The following FCRL3 variants were observed in gnomAD, a reference collection of about 807,000 sequenced individuals.
FCRL3 encodes the protein Fc receptor like 3.
Under a neutral mutation model 75.0 loss-of-function variants are expected in FCRL3, and 89 were observed. The observed-to-expected ratio is 1.19, with a 90% confidence interval of 1.00 to 1.42. FCRL3 has a LOEUF of 1.42. Ranked by LOEUF, FCRL3 falls within the 40% of genes most tolerant of loss-of-function variation. The pLI is 0.00. For synonymous variants in FCRL3, 376 were observed against 348.5 expected (o/e 1.08, Z -0.88); for missense variants, 946 against 880.0 (o/e 1.07, Z -0.95).
rs929433142 is a variant in FCRL3 at position 157,676,895 on chromosome 1, T to C, written c.*1815A>G. On this transcript the variant is annotated 3_prime_UTR_variant, in exon 15 of 15. Transcript: ENST00000368184. Reference sequence around the variant, plus strand: ...GGGTTAGAAAGGAGGAGAGCCTCCATATACAGCCTGGTGGTTGGTACCCAA... The same window carrying C: ...GGGTTAGAAAGGAGGAGAGCCTCCACATACAGCCTGGTGGTTGGTACCCAA... 2 of 1,476,536 alleles carry C rather than the reference T, an allele frequency of 1.4e-6. No individual in the cohort carries two copies. Among genetic ancestry groups the C allele is most frequent in the Non-Finnish European group, 1.8e-6 (2 of 1,117,174 alleles). The allele number at this position is 1,476,536 out of a possible 1,614,324, so 91.5% of individuals were successfully genotyped here. A position where few individuals can be genotyped will look rare whatever the true frequency, so the allele number is the denominator to read the frequency against.
chr1:157,677,959 T>A lies in FCRL3; in HGVS notation c.*751A>T, dbSNP rs1350785585. On this transcript the variant is annotated 3_prime_UTR_variant, in exon 15 of 15. Coordinates refer to ENST00000368184, the MANE Select transcript of FCRL3 (RefSeq NM_052939.4). ...TTGTCTCGGGGTTAATGGGTGCTTA[T>A]AAGAATAAAACTGACTGACTAGAAA... 3.0e-6 allele frequency: 3 copies of A among 985,152 alleles called. No homozygotes were observed. The East Asian group carries it at 3.4e-4, about 112-fold the overall frequency. The allele number at this position is 985,152 out of a possible 1,614,324, so 61.0% of individuals were successfully genotyped here.
chr1:157,682,050 A>C (rs1233928472), intron 11 of FCRL3, among the ~76,000 whole-genome samples: 2 of 151,966 alleles, frequency 1.3e-5, no homozygotes, highest in Non-Finnish European at 2.9e-5. Context: ...TCTTTTGAGA[A>C]GTGTCTGTTC....
rs368339426 is a variant in FCRL3, at chr1:157,692,661, C to T, written c.1412-2128G>A. 6.6e-5 allele frequency among the ~76,000 whole-genome samples: 10 copies of T among 152,224 alleles called. No individual in the cohort carries two copies. The East Asian group carries it at 7.7e-4, about 12-fold the overall frequency. On this transcript the variant is annotated intron_variant, in intron 8 of 14. Transcript: ENST00000368184. ...AAAAGAGGAATTAAATGTAAAGATA[C>T]GTTACGTGTTTTTCCATGAAGAAAG... is the stretch of plus-strand genomic sequence containing the variant.
At position 157,681,219 on chromosome 1, in the gene FCRL3, G is replaced by A. The variant is rs926672279; in HGVS notation, c.1839-120C>T. 1.1e-5 allele frequency: 6 copies of A among 528,062 alleles called. No homozygotes were observed. In the African/African-American group the frequency reaches 1.2e-4, roughly 11 times the overall value. The allele number at this position is 528,062 out of a possible 1,614,324, so 32.7% of individuals were successfully genotyped here. A position where few individuals can be genotyped will look rare whatever the true frequency, so the allele number is the denominator to read the frequency against. ...TGATTCAAGTAAAAATATTGTGTCT[G>A]CTTCTGCTTGGGTCTTTTTTTTTAA... On this transcript the variant is annotated intron_variant, in intron 11 of 14. Coordinates refer to ENST00000368184, the MANE Select transcript of FCRL3 (RefSeq NM_052939.4).
At position 157,680,691 on chromosome 1, in the gene FCRL3, A is replaced by G. The variant is rs2101586830; in HGVS notation, c.2026+11T>C. On this transcript the variant is annotated intron_variant, in intron 13 of 14. Transcript: ENST00000368184. ...GCCACCTCACCTCTATTTGCCTGAA[A>G]GGCATCTTACCTGAGTTTTCTTTTG... 1.9e-6 allele frequency: 3 copies of G among 1,613,192 alleles called. No individual in the cohort carries two copies. In the East Asian group the frequency reaches 6.7e-5, roughly 36 times the overall value.
chr1:157,677,069 G>T lies in FCRL3; in HGVS notation c.*1641C>A, dbSNP rs543972442. On this transcript the variant is annotated 3_prime_UTR_variant, in exon 15 of 15. Transcript: ENST00000368184. Reference sequence around the variant, plus strand: ...CTGGCAGAGATCAGCATCTCAGTACGGGCAGGACATCATGCCCTGCACTCA... The same window carrying T: ...CTGGCAGAGATCAGCATCTCAGTACTGGCAGGACATCATGCCCTGCACTCA... 448 of 1,167,092 alleles carry T rather than the reference G, an allele frequency of 3.8e-4. 2 individuals are homozygous for T. The highest frequency in any genetic ancestry group is 2.6e-3 in the South Asian group (131 of 49,454). The allele number at this position is 1,167,092 out of a possible 1,614,324, so 72.3% of individuals were successfully genotyped here.
rs140166500 is a variant in FCRL3, at chr1:157,695,504, C to T, written c.1236G>A (p.Pro412=). The T allele has an allele frequency of 1.9e-5, 30 of 1,614,006 alleles. 1 individual carries two copies. The highest frequency in any genetic ancestry group is 3.3e-5 in the South Asian group (3 of 91,084). ...LHCESLRGSP[P]ILYRFYHEDV... Reference sequence around the variant, plus strand: ...CCTCATGATAAAATCGGTACAGGATCGGGGGAGAGCCTCTCAGGGACTCAC... The same window carrying T: ...CCTCATGATAAAATCGGTACAGGATTGGGGGAGAGCCTCTCAGGGACTCAC... Residue 412 remains proline (P), a synonymous_variant, in exon 8 of 15, where the codon CCG becomes CCA. Coordinates refer to ENST00000368184, the MANE Select transcript of FCRL3 (RefSeq NM_052939.4).
In FCRL3 at chr1:157,697,652, C is replaced by A; in HGVS notation, c.559+7G>T. ...AACCCAGTAATCCACAGGAATCTAGCCATTACCTTGAACTTGGATATTTAG... is the reference window on the plus strand; with the variant it reads ...AACCCAGTAATCCACAGGAATCTAGACATTACCTTGAACTTGGATATTTAG... On this transcript the variant is annotated splice_region_variant and intron_variant, in intron 5 of 14. Transcript: ENST00000368184. The A allele has an allele frequency of 6.2e-7, 1 of 1,610,752 alleles. No individual in the cohort carries two copies. The highest frequency in any genetic ancestry group is 8.5e-7 in the Non-Finnish European group (1 of 1,178,600).
At chr1:157,692,345 C>T (rs921365344) in intron 8 of FCRL3, among the ~76,000 whole-genome samples, 5 of 151,962 alleles carry the variant, frequency 3.3e-5, no homozygotes, top group African/African-American at 1.2e-4. Flanking sequence ...CTCAAGTGAT[C>T]CTGCTTCTTC....
chr1:157,700,029 G>T (rs1001950499), intron 2 of FCRL3, among the ~76,000 whole-genome samples: 1 of 152,118 alleles, frequency 6.6e-6, no homozygotes, highest in African/African-American at 2.4e-5. Flanking sequence ...GGCTCCTATT[G>T]TTCCCCTCAC....
intron 10 of FCRL3, among the ~76,000 whole-genome samples, chr1:157,684,513 G>A (rs1172002369): frequency 2.0e-5 from 3 of 152,028 alleles, no homozygotes; most frequent in African/African-American, 4.8e-5. Flanking sequence ...GGTTAGCTCC[G>A]ACCTAGAATG....
rs1369909710 is a variant in FCRL3 at position 157,677,377 on chromosome 1, G to A, written c.*1333C>T. Reference sequence around the variant, plus strand: ...TAGAGGAAGATGTGGTGCTTTGAAAGGGACTTGGTGTTCCTACATGAACCA... The same window carrying A: ...TAGAGGAAGATGTGGTGCTTTGAAAAGGACTTGGTGTTCCTACATGAACCA... On this transcript the variant is annotated 3_prime_UTR_variant, in exon 15 of 15. Transcript: ENST00000368184. 1.0e-6 allele frequency: 1 copy of A among 985,800 alleles called. No individual in the cohort carries two copies. The highest frequency in any genetic ancestry group is 1.1e-4 in the East Asian group (1 of 8,834). The allele number at this position is 985,800 out of a possible 1,614,324, so 61.1% of individuals were successfully genotyped here. A position where few individuals can be genotyped will look rare whatever the true frequency, so the allele number is the denominator to read the frequency against.
chr1:157,690,594 AT>A (rs1207161822), intron 8 of FCRL3, 61 bp from the exon 9 acceptor site: 31 of 1,578,648 alleles, frequency 2.0e-5, no homozygotes, highest in Admixed American at 1.9e-4. Context: ...AGAGAACTTA[AT>A]AAAGGAATAT....
At position 157,700,463 on chromosome 1, in the gene FCRL3, G is replaced by C. The variant is rs752268132; in HGVS notation, c.27C>G (p.Ile9Met). The C allele has an allele frequency of 2.0e-5, 32 of 1,613,998 alleles. No individual in the cohort carries two copies. Among genetic ancestry groups the C allele is most frequent in the Non-Finnish European group, 2.6e-5 (31 of 1,179,968 alleles). Reference sequence around the variant, plus strand: ...CATTATAGCCCATCTACTCACTCAGGATCAGCAGCAGCAGCCACAGAAGCA... The same window carrying C: ...CATTATAGCCCATCTACTCACTCAGCATCAGCAGCAGCAGCCACAGAAGCA... MLLWLLLLILTPGREQSGV... is the reference protein window; with the variant it reads MLLWLLLLMLTPGREQSGV... The change falls in exon 2 of 15, where the codon ATC becomes ATG. Residue 9 changes from isoleucine (I) to methionine (M), a missense_variant. Transcript: ENST00000368184.
At chr1:157,681,186 G>GTCC in intron 11 of FCRL3, 87 bp from the exon 12 acceptor site, 1 of 808,680 alleles carries the variant, frequency 1.2e-6, no homozygotes, top group Non-Finnish European at 1.8e-6. Context: ...AAGTCCTCCA[G>GTCC]TCCAGCATGA....
chr1:157,683,732 A>C (rs569819785), intron 10 of FCRL3, among the ~76,000 whole-genome samples: 1 of 152,158 alleles, frequency 6.6e-6, no homozygotes. Flanking sequence ...CTGCAAGTCT[A>C]TTCCAGCAAC....
chr1:157,681,249 A>G (rs1171979471), intron 11 of FCRL3, 150 bp from the exon 12 acceptor site: 3 of 431,090 alleles, frequency 7.0e-6, no homozygotes, highest in African/African-American at 2.1e-5. Flanking sequence ...TTTTAATTTT[A>G]TTATTATTAT....
intron 11 of FCRL3, 142 bp downstream of exon 11, chr1:157,683,075 C>A: frequency 1.2e-6 from 1 of 850,896 alleles, no homozygotes. Context: ...AAGTGACATT[C>A]ACTTATATCT....
At chr1:157,681,835 T>C (rs1265363115) in intron 11 of FCRL3, among the ~76,000 whole-genome samples, 1 of 152,134 alleles carries the variant, frequency 6.6e-6, no homozygotes, top group Non-Finnish European at 1.5e-5. Context: ...TCCACAATGG[T>C]TGAACTAGTT....
Sources: allele counts gnomAD v4.1 joint callset (sites outside exome capture counted in the v4.1 genomes callset), GRCh38; gene constraint gnomAD v4.1.1; transcripts MANE v1.5; gene names NCBI Gene and HGNC (gene_info 2026-07-23, HGNC 2026-07-21).